The following POLRMT variants were observed in gnomAD, a reference collection of about 807,000 sequenced individuals.
POLRMT encodes the protein DNA-directed RNA polymerase, mitochondrial.
A neutral mutation model predicts 132.2 loss-of-function variants in POLRMT; 114 were observed. The observed-to-expected ratio is 0.86, with a 90% CI of 0.74 to 1.01. POLRMT has a LOEUF of 1.01. POLRMT is among the 50% of genes least tolerant of loss of function. The pLI is 0.00. For missense variants in POLRMT, 2,003 were observed against 1,729.1 expected (o/e 1.16, Z -2.81); for synonymous variants, 1,020 against 773.4 (o/e 1.32, Z -5.29).
chr19:622,296 G>C lies in POLRMT; in HGVS notation c.1704C>G (p.Pro568=), dbSNP rs1201899489. The part of the protein sequence containing the change: ...APEALREQPW[P]LPVQMELGKL... ...TGCCCAGCTCCATCTGCACTGGCAG[G>C]GGCCAGGGCTGCTCCCGCAGGGCCT... The change falls in exon 9 of 21, where the codon CCC becomes CCG. Residue 568 remains proline (P), a synonymous_variant. Coordinates refer to ENST00000588649, the MANE Select transcript of POLRMT (RefSeq NM_005035.4). 1.3e-6 allele frequency: 2 copies of C among 1,566,580 alleles called. No individual in the cohort carries two copies. Among genetic ancestry groups the C allele is most frequent in the Non-Finnish European group, 8.6e-7 (1 of 1,156,832 alleles).
Position 617,695 on chromosome 19 carries a change from G to C in POLRMT, c.3496-40C>G, listed in dbSNP as rs373082226. 4 of 1,610,940 alleles carry C rather than the reference G, an allele frequency of 2.5e-6. No individual in the cohort carries two copies. In the African/African-American group the frequency reaches 4.0e-5, roughly 16 times the overall value. ...GAGGATCCCCAGGGGTGATCAGGCA[G>C]GCTCTGGGCACCACCCCTACCCAAC... is the stretch of plus-strand genomic sequence containing the variant. On this transcript the variant is annotated intron_variant, in intron 18 of 20. Coordinates refer to ENST00000588649, the MANE Select transcript of POLRMT (RefSeq NM_005035.4).
At chr19:619,920 C>A (rs112637808) in intron 12 of POLRMT, 38 bp downstream of exon 12, 4 of 1,598,684 alleles carry the variant, frequency 2.5e-6, no homozygotes, top group Non-Finnish European at 3.4e-6. Flanking sequence ...ACATTGCCCC[C>A]ACGCCGAGAT....
intron 6 of POLRMT, 85 bp from the exon 7 acceptor site, chr19:623,070 C>G: frequency 6.8e-7 from 1 of 1,472,376 alleles, no homozygotes; most frequent in Non-Finnish European, 9.1e-7. Flanking sequence ...CAGCTCCCTG[C>G]AGAGACCTCA....
rs1490439493 is a variant in POLRMT at position 630,054 on chromosome 19, G to A, written c.308C>T (p.Pro103Leu). ...GGCCCCCATCTGGACCTTCCTGGGT[G>A]GCTGGAGGCTACCATCTCCACTGCC... ...ECGSGDGSLQ[P>L]PRKVQMGAKD... Residue 103 changes from proline (P) to leucine (L), a missense_variant, in exon 3 of 21, where the codon CCA becomes CTA. Coordinates refer to ENST00000588649, the MANE Select transcript of POLRMT (RefSeq NM_005035.4). 2 of 1,613,738 alleles carry A rather than the reference G, an allele frequency of 1.2e-6. No individual in the cohort carries two copies. Among genetic ancestry groups the A allele is most frequent in the Non-Finnish European group, 8.5e-7 (1 of 1,180,018 alleles).
At chr19:623,628 T>A (rs750378915) in intron 5 of POLRMT, 25 bp from the exon 6 acceptor site, 2 of 1,608,498 alleles carry the variant, frequency 1.2e-6, no homozygotes, top group South Asian at 2.2e-5. Context: ...GTAGTGAGGT[T>A]GGGGGCTTGC....
chr19:626,966 CCT>C (rs1231876663), intron 3 of POLRMT, among the ~76,000 whole-genome samples: 2 of 150,424 alleles, frequency 1.3e-5, no homozygotes, highest in African/African-American at 4.9e-5. Context: ...TCCTGACATC[CCT>C]GTTCTGAGCA....
Position 617,531 on chromosome 19 carries a change from G to GC in POLRMT, c.3581+38_3581+39insG, listed in dbSNP as rs777570147. On this transcript the variant is annotated intron_variant, in intron 19 of 20. Transcript: ENST00000588649. The stretch of plus-strand genomic sequence containing the variant: ...AGGCTGAGGCCAGGTTTTGGGGTGG[G>GC]GGGGGAATCCAGGTAGTTGGGGTCA... 1.0e-3 allele frequency: 1,646 copies of GC among 1,608,804 alleles called. 1 individual carries two copies. The highest frequency in any genetic ancestry group is 1.2e-3 in the Non-Finnish European group (1,391 of 1,177,758).
chr19:620,247 C>T (rs1158638252), intron 11 of POLRMT, 118 bp downstream of exon 11: 5 of 1,446,710 alleles, frequency 3.5e-6, no homozygotes, highest in African/African-American at 2.9e-5. Flanking sequence ...GGCTCCCGCA[C>T]ACTCTAGGAC....
At chr19:632,474 G>A (rs1985490041) in intron 2 of POLRMT, among the ~76,000 whole-genome samples, 1 of 151,596 alleles carries the variant, frequency 6.6e-6, no homozygotes, top group South Asian at 2.1e-4. Context: ...GCCAAGCCAG[G>A]ACAGCTGAGT....
At chr19:632,731 G>A (rs1985513201) in intron 2 of POLRMT, 103 bp downstream of exon 2, 2 of 998,054 alleles carry the variant, frequency 2.0e-6, no homozygotes, top group Non-Finnish European at 2.9e-6. Context: ...CCCGAGAGGT[G>A]GAGACCGCCC....
At chr19:620,939 G>GGGGGAGGGGAGGAGGAAGAC (rs1984504802) in intron 10 of POLRMT, 119 bp downstream of exon 10, 1 of 314,414 alleles carries the variant, frequency 3.2e-6, no homozygotes, top group Non-Finnish European at 4.9e-6. Flanking sequence ...CGCCAGGGGA[G>GGGGGAGGGGAGGAGGAAGAC]GGGGAGGGGA....
Position 619,051 on chromosome 19 carries a change from G to C in POLRMT, c.3213C>G (p.Val1071=), listed in dbSNP as rs374568410. 12 of 1,607,758 alleles carry C rather than the reference G, an allele frequency of 7.5e-6. No homozygotes were observed. In the African/African-American group the frequency reaches 8.1e-5, roughly 11 times the overall value. The change falls in exon 15 of 21, where the codon GTC becomes GTG. Residue 1071 remains valine, a synonymous_variant. Transcript: ENST00000588649. ...GGATGACGGGGACGCCCAGGGGTGT[G>C]ACCCACTCCACCACAGAGCCCATGT... ...ISHMGSVVEW[V]TPLGVPVIQP...
At chr19:629,353 CT>C (rs1985239574) in intron 3 of POLRMT, among the ~76,000 whole-genome samples, 186 bp downstream of exon 3, 1 of 152,096 alleles carries the variant, frequency 6.6e-6, no homozygotes, top group South Asian at 2.1e-4. Flanking sequence ...TTTCTCCCTA[CT>C]TTTTTGGTCA....
intron 17 of POLRMT, 42 bp downstream of exon 17, chr19:618,446 C>T (rs778764344): frequency 1.4e-6 from 2 of 1,477,130 alleles, no homozygotes; most frequent in Non-Finnish European, 9.3e-7. Flanking sequence ...AGAAGACGCC[C>T]CTGGGAGGCG....
In POLRMT at chr19:619,567, C is replaced by T. The variant is rs753873182; in HGVS notation, c.3066+19G>A. On this transcript the variant is annotated intron_variant, in intron 13 of 20. Transcript: ENST00000588649. ...GGCAGTGAAACCAACGTGTTCGCAG[C>T]GCGACATGCCTGGCGCACCTGGGGA... The T allele has an allele frequency of 5.6e-6, 9 of 1,611,024 alleles. No individual in the cohort carries two copies. The highest frequency in any genetic ancestry group is 1.3e-5 in the African/African-American group (1 of 74,940).
At chr19:631,741 T>C (rs1455668460) in intron 2 of POLRMT, among the ~76,000 whole-genome samples, 1 of 151,948 alleles carries the variant, frequency 6.6e-6, no homozygotes, top group African/African-American at 2.4e-5. Flanking sequence ...GAGAGCTTTG[T>C]TTTGTTTTGT....
intron 15 of POLRMT, 101 bp downstream of exon 15, chr19:618,896 G>A (rs903331583): frequency 4.3e-5 from 58 of 1,345,720 alleles, no homozygotes; most frequent in Admixed American, 1.2e-4. Flanking sequence ...ACACTGGGGC[G>A]GTGGTACACT....
rs966020752 is a variant in POLRMT at position 619,206 on chromosome 19, G to A, written c.3153+4C>T. The A allele has an allele frequency of 5.0e-6, 8 of 1,611,360 alleles. No homozygotes were observed. The highest frequency in any genetic ancestry group is 1.7e-5 in the Admixed American group (1 of 59,838). Reference sequence around the variant, plus strand: ...TGGCCGAGCGGGGACAGGACAGGACGTACCTGGATGGCCCGGGTCCCCGAG... The same window carrying A: ...TGGCCGAGCGGGGACAGGACAGGACATACCTGGATGGCCCGGGTCCCCGAG... On this transcript the variant is annotated splice_donor_region_variant and intron_variant, in intron 14 of 20. Coordinates refer to ENST00000588649, the MANE Select transcript of POLRMT (RefSeq NM_005035.4).
In POLRMT at chr19:624,893, C is replaced by G; in HGVS notation, c.966G>C (p.Gln322His). 1 of 1,610,064 alleles carries G rather than the reference C, an allele frequency of 6.2e-7. No homozygotes were observed. The highest frequency in any genetic ancestry group is 8.5e-7 in the Non-Finnish European group (1 of 1,177,904). The change falls in exon 5 of 21, where the codon CAG becomes CAC. Residue 322 changes from glutamine to histidine, a missense_variant. Physicochemically the swap from Gln to His is conservative, Grantham distance 24. Coordinates refer to ENST00000588649, the MANE Select transcript of POLRMT (RefSeq NM_005035.4). ...DAGTIERCLE[Q>H]MSQEGLKLQA... is the part of the protein sequence containing the mutation. ...GCAGCTTCAGCCCCTCCTGGCTCAT[C>G]TGTTCCAGACACCTGTGGTGCAGGC...
Sources: gnomAD v4.1 joint callset for allele counts (sites outside exome capture counted in the v4.1 genomes callset) on GRCh38, gnomAD v4.1.1 for gene constraint, MANE v1.5 for transcripts, NCBI Gene and HGNC (gene_info 2026-07-23, HGNC 2026-07-21) for gene names.